The following PIEZO2 variants were observed in gnomAD, a reference collection of about 807,000 sequenced individuals.
The protein encoded by PIEZO2 is piezo type mechanosensitive ion channel component 2.
Under a neutral mutation model 337.3 loss-of-function variants are expected in PIEZO2, and 172 were observed. The ratio of observed to expected loss-of-function variants is 0.51; its 90% CI spans 0.45 to 0.58. PIEZO2 has a LOEUF of 0.58. Ranked by LOEUF, PIEZO2 falls within the 20% of genes least tolerant of loss-of-function variation. The pLI, the probability that PIEZO2 is intolerant of heterozygous loss-of-function variation, is 0.00. For synonymous variants in PIEZO2, 1,251 were observed against 1,228.5 expected (o/e 1.02, Z -0.38); for missense variants, 3,028 against 3,391.3 (o/e 0.89, Z 2.66).
intron 3 of PIEZO2, among the ~76,000 whole-genome samples, chr18:10,955,005 A>G (rs1212120480): frequency 6.6e-6 from 1 of 152,202 alleles, no homozygotes; most frequent in East Asian, 1.9e-4. Context: ...AGGGAAAAGG[A>G]GGAGGAAGTA....
chr18:10,736,800 A>C, intron 33 of PIEZO2, 90 bp from the exon 34 acceptor site: 1 of 1,376,608 alleles, frequency 7.3e-7, no homozygotes, highest in Non-Finnish European at 9.8e-7. Flanking sequence ...AGATACACAA[A>C]TTGTCCATAA....
chr18:10,892,332 T>C (rs984902670), intron 4 of PIEZO2, among the ~76,000 whole-genome samples: 2 of 152,192 alleles, frequency 1.3e-5, no homozygotes, highest in African/African-American at 4.8e-5. Context: ...TGTGACTCTA[T>C]GGATAAATCT....
chr18:10,838,676 G>T (rs1399758274), intron 7 of PIEZO2, among the ~76,000 whole-genome samples: 1 of 152,204 alleles, frequency 6.6e-6, no homozygotes, highest in Non-Finnish European at 1.5e-5. Context: ...TTTCTCTGAT[G>T]TCATCTGTAG....
chr18:10,690,775 T>C (rs77122863), intron 48 of PIEZO2, among the ~76,000 whole-genome samples: 5 of 152,352 alleles, frequency 3.3e-5, no homozygotes, highest in Admixed American at 2.6e-4. Context: ...ACACAGGTGA[T>C]GGCATTCAGG....
rs2041661888 is a variant in PIEZO2 at position 10,854,988 on chromosome 18, A to G, written c.917+365T>C. Among the ~76,000 whole-genome samples, 1 of 152,178 alleles carries G rather than the reference A, an allele frequency of 6.6e-6. No individual in the cohort carries two copies. The highest frequency in any genetic ancestry group is 2.4e-5 in the African/African-American group (1 of 41,450). ...GACGCTTAATTTGTTCTCGTATATT[A>G]GGCCCATGAAACGCCTTTCTAGCTG... On this transcript the variant is annotated intron_variant, in intron 7 of 55. Transcript: ENST00000674853. The surrounding 1 kb of genome is among the most constrained non-coding windows in gnomAD (Gnocchi z 4.6).
intron 49 of PIEZO2, among the ~76,000 whole-genome samples, chr18:10,687,607 A>C (rs505062): frequency 0.69 from 105,249 of 152,026 alleles, 36,873 homozygotes; most frequent in East Asian, 0.94. Context: ...TTTACTCCAT[A>C]CTTTGGATCT....
chr18:10,772,124 T>C (rs149464364), intron 20 of PIEZO2, among the ~76,000 whole-genome samples: 1 of 152,280 alleles, frequency 6.6e-6, no homozygotes, highest in African/African-American at 2.4e-5. Flanking sequence ...CTTCTATCTG[T>C]GTAATTGTGA....
At chr18:10,960,130 G>A (rs1176225845) in intron 3 of PIEZO2, among the ~76,000 whole-genome samples, 1 of 152,134 alleles carries the variant, frequency 6.6e-6, no homozygotes, top group Non-Finnish European at 1.5e-5. Context: ...AAATGGGAAT[G>A]CTTTATATCT....
chr18:10,718,334 T>G, intron 36 of PIEZO2, 75 bp from the exon 37 acceptor site: 1 of 1,253,748 alleles, frequency 8.0e-7, no homozygotes, highest in South Asian at 1.3e-5. Context: ...CTCTTCTAGA[T>G]TAAAAGGAAT....
chr18:10,745,903 C>T (rs905898741), intron 30 of PIEZO2, among the ~76,000 whole-genome samples: 2 of 152,190 alleles, frequency 1.3e-5, no homozygotes, highest in African/African-American at 2.4e-5. Flanking sequence ...TCAGTCTTCC[C>T]TCCCTGTTTG....
At chr18:10,876,945 CA>C (rs2042283379) in intron 4 of PIEZO2, among the ~76,000 whole-genome samples, 1 of 152,210 alleles carries the variant, frequency 6.6e-6, no homozygotes, top group Non-Finnish European at 1.5e-5. Flanking sequence ...CTCCATGCTG[CA>C]TTTGACAAGC....
chr18:10,837,781 T>G lies in PIEZO2; in HGVS notation c.917+17572A>C, dbSNP rs2041063851. ...TTGTTGTTGTTGTTGAGATGAAGTC[T>G]CACTCTGTCGCCCAGGCTGGAGTGC... On this transcript the variant is annotated intron_variant, in intron 7 of 55. Coordinates refer to ENST00000674853, the MANE Select transcript of PIEZO2 (RefSeq NM_001378183.1). The surrounding 1 kb of genome is among the most constrained non-coding windows in gnomAD (Gnocchi z 4.4). Among the ~76,000 whole-genome samples, 1 of 152,158 alleles carries G rather than the reference T, an allele frequency of 6.6e-6. No individual in the cohort carries two copies. Among genetic ancestry groups the G allele is most frequent in the African/African-American group, 2.4e-5 (1 of 41,444 alleles).
intron 33 of PIEZO2, 68 bp downstream of exon 33, chr18:10,740,963 G>A (rs372901979): frequency 5.9e-5 from 85 of 1,441,432 alleles, no homozygotes; most frequent in East Asian, 2.0e-4. Context: ...TCACGGGAAC[G>A]CCTGAATTCT....
rs1395503290 is a variant in PIEZO2 at position 11,009,292 on chromosome 18, C to A, written c.161-29632G>T. ...TCACAAGCCCTGATGTGCATTGAAGCCCCTTGGGAATCTTTAAGAATAGGA... is the reference window on the plus strand; with the variant it reads ...TCACAAGCCCTGATGTGCATTGAAGACCCTTGGGAATCTTTAAGAATAGGA... On this transcript the variant is annotated intron_variant, in intron 2 of 55. Coordinates refer to ENST00000674853, the MANE Select transcript of PIEZO2 (RefSeq NM_001378183.1). This position sits in a 1 kb window ranked among gnomAD's most constrained non-coding sequence, Gnocchi z 4.6. 1.3e-5 allele frequency among the ~76,000 whole-genome samples: 2 copies of A among 152,212 alleles called. No homozygotes were observed. The highest frequency in any genetic ancestry group is 4.8e-5 in the African/African-American group (2 of 41,454).
chr18:11,092,453 G>T lies in PIEZO2; in HGVS notation c.65-26231C>A, dbSNP rs1442844519. On this transcript the variant is annotated intron_variant, in intron 1 of 55. Coordinates refer to ENST00000674853, the MANE Select transcript of PIEZO2 (RefSeq NM_001378183.1). This position sits in a 1 kb window ranked among gnomAD's most constrained non-coding sequence, Gnocchi z 4.5. The stretch of plus-strand genomic sequence containing the variant: ...AAAGCTATAGTAAGAAGACATAACA[G>T]CAGTAATTATCACTCCATAGTTTAG... Among the ~76,000 whole-genome samples, 2 of 152,168 alleles carry T rather than the reference G, an allele frequency of 1.3e-5. No individual in the cohort carries two copies. Among genetic ancestry groups the T allele is most frequent in the African/African-American group, 2.4e-5 (1 of 41,440 alleles).
chr18:10,961,421 G>A (rs917649358), intron 3 of PIEZO2, among the ~76,000 whole-genome samples: 2 of 152,170 alleles, frequency 1.3e-5, no homozygotes, highest in Admixed American at 6.5e-5. Flanking sequence ...GGAAGTGTGG[G>A]AGGAGGCAAG....
At chr18:11,088,657 A>G (rs1217839060) in intron 1 of PIEZO2, among the ~76,000 whole-genome samples, 3 of 152,170 alleles carry the variant, frequency 2.0e-5, no homozygotes, top group Admixed American at 6.5e-5. Flanking sequence ...AAGGGGTGAT[A>G]TTGATTGGTG....
chr18:10,858,192 G>A (rs1351223815), intron 5 of PIEZO2, among the ~76,000 whole-genome samples: 2 of 150,908 alleles, frequency 1.3e-5, no homozygotes, highest in Non-Finnish European at 3.0e-5. Context: ...GTGGTGGCAC[G>A]TGCCTGTAGT....
intron 3 of PIEZO2, among the ~76,000 whole-genome samples, chr18:10,966,791 T>A (rs1161693588): frequency 6.6e-6 from 1 of 151,954 alleles, no homozygotes; most frequent in Non-Finnish European, 1.5e-5. Flanking sequence ...TTCCCCCGAG[T>A]CCCCAAAGTC....
Sources: gnomAD v4.1 joint callset for allele counts (sites outside exome capture counted in the v4.1 genomes callset) on GRCh38, gnomAD v4.1.1 for gene constraint, Gnocchi (gnomAD v3.1) non-coding constraint, MANE v1.5 for transcripts, NCBI Gene and HGNC (gene_info 2026-07-23, HGNC 2026-07-21) for gene names.